DIP2C: variants seen among roughly 807,000 people sequenced by gnomAD.
DIP2C encodes disco-interacting protein 2 homolog C.
Under a neutral mutation model 192.4 loss-of-function variants are expected in DIP2C, and 33 were observed. The observed-to-expected ratio is 0.17, with a 90% CI of 0.13 to 0.23. DIP2C has a LOEUF of 0.23. Among genes scored for constraint, DIP2C ranks in the 10% least tolerant of loss-of-function variants. DIP2C has a pLI of 1.00. For missense variants in DIP2C, 1,537 were observed against 2,110.1 expected, an observed-to-expected ratio of 0.73 and a Z score of 5.32; for synonymous variants, 979 against 864.1, an observed-to-expected ratio of 1.13 and a Z score of -2.33.
chr10:303,194 A>G (rs937697264), intron 32 of DIP2C, among the ~76,000 whole-genome samples: 12 of 152,188 alleles, frequency 7.9e-5, no homozygotes, highest in African/African-American at 2.9e-4. Context: ...AAGCTAAGAC[A>G]TCATCCACGT....
intron 1 of DIP2C, chr10:669,318 G>A (rs1045693783): frequency 6.6e-6 from 1 of 152,302 alleles, no homozygotes; most frequent in Non-Finnish European, 1.5e-5. Flanking sequence ...CAGAAGCAAG[G>A]GGGTGCGGGG....
chr10:653,238 C>G (rs1856062111), intron 1 of DIP2C, among the ~76,000 whole-genome samples: 1 of 152,110 alleles, frequency 6.6e-6, no homozygotes, highest in Non-Finnish European at 1.5e-5. Flanking sequence ...CACTTGAGGT[C>G]AGGAGTTTGA....
chr10:440,848 G>T (rs771918207), intron 4 of DIP2C, 23 bp downstream of exon 4: 1 of 1,603,376 alleles, frequency 6.2e-7, no homozygotes, highest in Non-Finnish European at 8.5e-7. Context: ...TCAGGAGGCC[G>T]TGTCGGGGAG....
chr10:534,634 C>G (rs928956380), intron 1 of DIP2C, among the ~76,000 whole-genome samples: 6 of 151,974 alleles, frequency 3.9e-5, no homozygotes, highest in African/African-American at 1.5e-4. Context: ...CCCTCCCAGG[C>G]TGTCATCTTA....
At chr10:435,441 C>T (rs1967102118) in intron 4 of DIP2C, among the ~76,000 whole-genome samples, 1 of 152,230 alleles carries the variant, frequency 6.6e-6, no homozygotes, top group African/African-American at 2.4e-5. Flanking sequence ...AATCATGGCC[C>T]TGTATGCACA....
At chr10:475,621 A>G (rs1485532453) in intron 2 of DIP2C, among the ~76,000 whole-genome samples, 1 of 152,212 alleles carries the variant, frequency 6.6e-6, no homozygotes, top group African/African-American at 2.4e-5. Flanking sequence ...CCTAAGTGGA[A>G]ATGTAAAGTT....
rs1003115124 is a variant in DIP2C at position 281,665 on chromosome 10, T to C, written c.4295-342A>G. On this transcript the variant is annotated intron_variant, in intron 35 of 36. Coordinates refer to ENST00000280886, the MANE Select transcript of DIP2C (RefSeq NM_014974.3). The stretch of plus-strand genomic sequence containing the variant: ...GGGGCGAAGTCGGCACCCAGCGGTC[T>C]GAGTTCCGTGGACCCATCGGCTGAG... Among the ~76,000 whole-genome samples the C allele has an allele frequency of 3.9e-5, 6 of 152,370 alleles. No homozygotes were observed. The East Asian group carries it at 7.7e-4, about 20-fold the overall frequency.
intron 1 of DIP2C, among the ~76,000 whole-genome samples, chr10:614,775 C>G (rs199686484): frequency 2.6e-5 from 4 of 152,346 alleles, no homozygotes; most frequent in African/African-American, 2.4e-5. Context: ...TGCCGGGTAT[C>G]GCGGCTCCAG....
At chr10:598,064 G>T (rs1322940280) in intron 1 of DIP2C, among the ~76,000 whole-genome samples, 1 of 152,250 alleles carries the variant, frequency 6.6e-6, no homozygotes, top group African/African-American at 2.4e-5. Context: ...CGCTGGACCT[G>T]CAGAGTCAGC....
In DIP2C at chr10:390,681, G is replaced by A. The variant is rs897616081; in HGVS notation, c.1384+59C>T. 404 of 1,575,600 alleles carry A rather than the reference G, an allele frequency of 2.6e-4. 1 individual carries two copies. Among genetic ancestry groups the A allele is most frequent in the South Asian group, 8.6e-4 (74 of 85,550 alleles). On this transcript the variant is annotated intron_variant, in intron 11 of 36. Coordinates refer to ENST00000280886, the MANE Select transcript of DIP2C (RefSeq NM_014974.3). Reference sequence around the variant, plus strand: ...AACCGAGGCGGGGTGACGTATTCCCGCACCCGTCTTCTGACAAAGGACGTG... The same window carrying A: ...AACCGAGGCGGGGTGACGTATTCCCACACCCGTCTTCTGACAAAGGACGTG...
At position 651,561 on chromosome 10, in the gene DIP2C, T is replaced by A. The variant is rs1318087572; in HGVS notation, c.85+37933A>T. On this transcript the variant is annotated intron_variant, in intron 1 of 36. Coordinates refer to ENST00000280886, the MANE Select transcript of DIP2C (RefSeq NM_014974.3). The surrounding 1 kb of genome is among the most constrained non-coding windows in gnomAD (Gnocchi z 4.1). ...AACTTTGTTTCAGTGCCTTTCCAGT[T>A]AAATGTTGTTAAGCAGTATTTCCCC... is the stretch of plus-strand genomic sequence containing the variant. 1 of 417,960 alleles carries A rather than the reference T, an allele frequency of 2.4e-6. No individual in the cohort carries two copies. The highest frequency in any genetic ancestry group is 4.5e-6 in the Non-Finnish European group (1 of 221,194). The allele number at this position is 417,960 out of a possible 1,614,324, so 25.9% of individuals were successfully genotyped here. A position where few individuals can be genotyped will look rare whatever the true frequency, so the allele number is the denominator to read the frequency against.
chr10:518,521 C>G (rs969104403), intron 1 of DIP2C, among the ~76,000 whole-genome samples: 1 of 152,178 alleles, frequency 6.6e-6, no homozygotes, highest in Non-Finnish European at 1.5e-5. Flanking sequence ...AAGCTGGAGC[C>G]CCATGAATGG....
intron 4 of DIP2C, among the ~76,000 whole-genome samples, chr10:429,176 A>T (rs1262426166): frequency 6.6e-6 from 1 of 151,830 alleles, no homozygotes; most frequent in Non-Finnish European, 1.5e-5. Flanking sequence ...CTACTAAAAA[A>T]TCCTCCTGCT....
chr10:316,433 G>T (rs546735512), intron 31 of DIP2C, among the ~76,000 whole-genome samples: 97 of 152,302 alleles, frequency 6.4e-4, no homozygotes, highest in African/African-American at 2.2e-3. Context: ...AGGTAACTGG[G>T]TGATTCTCTC....
At chr10:385,251 G>C (rs1962795740) in intron 14 of DIP2C, among the ~76,000 whole-genome samples, 1 of 151,972 alleles carries the variant, frequency 6.6e-6, no homozygotes, top group Non-Finnish European at 1.5e-5. Context: ...CCTCAGTGTG[G>C]GAATGGCAGG....
At chr10:549,209 C>T (rs1168168586) in intron 1 of DIP2C, among the ~76,000 whole-genome samples, 2 of 152,126 alleles carry the variant, frequency 1.3e-5, no homozygotes, top group Admixed American at 6.5e-5. Flanking sequence ...GTTACTTTTT[C>T]ATTATTGCTT....
At chr10:341,533 C>T (rs867877245) in intron 28 of DIP2C, among the ~76,000 whole-genome samples, 15 of 150,490 alleles carry the variant, frequency 1.0e-4, no homozygotes, top group African/African-American at 3.4e-4. Context: ...CGGGACAATA[C>T]GGGGCTGCAC....
rs1348494439 is a variant in DIP2C, at chr10:548,647, C to A, written c.86-62117G>T. On this transcript the variant is annotated intron_variant, in intron 1 of 36. Transcript: ENST00000280886. The stretch of plus-strand genomic sequence containing the variant: ...GGTGTGGTGGGGGGAGGAGATGTGG[C>A]CAGAGGTGATGTGGCCGGGGGAGGA... 2.0e-5 allele frequency among the ~76,000 whole-genome samples: 3 copies of A among 149,098 alleles called. No homozygotes were observed. The East Asian group carries it at 5.9e-4, about 29-fold the overall frequency.
At chr10:586,337 A>G (rs1851019232) in intron 1 of DIP2C, among the ~76,000 whole-genome samples, 1 of 152,150 alleles carries the variant, frequency 6.6e-6, no homozygotes, top group South Asian at 2.1e-4. Flanking sequence ...CGGACACATG[A>G]AACCAGGATT....
Sources: allele counts gnomAD v4.1 joint callset (sites outside exome capture counted in the v4.1 genomes callset), GRCh38; gene constraint gnomAD v4.1.1; non-coding constraint Gnocchi (gnomAD v3.1); transcripts MANE v1.5; gene names NCBI Gene and HGNC (gene_info 2026-07-23, HGNC 2026-07-21).